The following PTPRD variants were observed in gnomAD, a reference collection of about 807,000 sequenced individuals.
PTPRD encodes protein tyrosine phosphatase receptor type D.
In PTPRD, 34 loss-of-function variants were observed where a neutral mutation model predicts 214.5. That is an observed-to-expected ratio of 0.16 (90% CI 0.12 to 0.21). The LOEUF (loss-of-function observed/expected upper bound fraction) is 0.21, where lower values mean the gene tolerates loss of function less well. Among genes scored for constraint, PTPRD ranks in the 10% least tolerant of loss-of-function variants. PTPRD has a pLI of 1.00. For synonymous variants in PTPRD, 1,128 were observed against 845.7 expected, an observed-to-expected ratio of 1.33 and a Z score of -5.79; for missense variants, 2,545 against 2,398.7, an observed-to-expected ratio of 1.06 and a Z score of -1.27.
intron 2 of PTPRD, among the ~76,000 whole-genome samples, chr9:10,390,767 C>G (rs956631673): frequency 3.3e-5 from 5 of 151,670 alleles, no homozygotes; most frequent in Non-Finnish European, 7.4e-5. Flanking sequence ...CCCAGGCTTG[C>G]TCTTATCTGA....
intron 9 of PTPRD, among the ~76,000 whole-genome samples, chr9:9,390,016 A>C (rs1586857269): frequency 1.3e-5 from 2 of 152,168 alleles, no homozygotes. Flanking sequence ...CAGAGGTGGG[A>C]GAAAAGCATT....
chr9:8,632,290 T>G (rs2096278213), intron 14 of PTPRD, among the ~76,000 whole-genome samples: 1 of 152,002 alleles, frequency 6.6e-6, no homozygotes, highest in South Asian at 2.1e-4. Context: ...GTTTATCAAA[T>G]CAAACTTTTT....
At chr9:9,604,394 G>C (rs1350130203) in intron 7 of PTPRD, among the ~76,000 whole-genome samples, 2 of 151,964 alleles carry the variant, frequency 1.3e-5, no homozygotes, top group Non-Finnish European at 2.9e-5. Context: ...TTTGGCCTTT[G>C]TAATCTAAAT....
At chr9:8,917,591 C>G (rs910925994) in intron 11 of PTPRD, among the ~76,000 whole-genome samples, 1 of 152,116 alleles carries the variant, frequency 6.6e-6, no homozygotes, top group East Asian at 1.9e-4. Flanking sequence ...TCTCTCCTTT[C>G]TTTTTAATCA....
At chr9:9,304,629 G>T (rs1956531309) in intron 9 of PTPRD, among the ~76,000 whole-genome samples, 1 of 151,280 alleles carries the variant, frequency 6.6e-6, no homozygotes, top group Admixed American at 6.6e-5. Context: ...CCAAATATTA[G>T]TATCTTATTT....
chr9:10,244,330 C>G (rs2091699017), intron 3 of PTPRD, among the ~76,000 whole-genome samples: 1 of 152,082 alleles, frequency 6.6e-6, no homozygotes, highest in Non-Finnish European at 1.5e-5. Flanking sequence ...TTGATTTATG[C>G]AGTCTGCCTC....
chr9:9,276,607 G>C (rs1204487611), intron 9 of PTPRD, among the ~76,000 whole-genome samples: 1 of 151,220 alleles, frequency 6.6e-6, no homozygotes, highest in Admixed American at 6.6e-5. Flanking sequence ...GCACATGCTG[G>C]CAATTTACTT....
At chr9:9,305,988 C>T (rs1281772159) in intron 9 of PTPRD, among the ~76,000 whole-genome samples, 1 of 152,202 alleles carries the variant, frequency 6.6e-6, no homozygotes, top group African/African-American at 2.4e-5. Context: ...TTGTTTTAAG[C>T]CATCCAGTTT....
intron 3 of PTPRD, among the ~76,000 whole-genome samples, chr9:10,158,345 A>T (rs1197171718): frequency 1.3e-5 from 2 of 152,138 alleles, no homozygotes; most frequent in East Asian, 3.9e-4. Context: ...TTTATCTGTC[A>T]GCTCTTGTAT....
intron 11 of PTPRD, among the ~76,000 whole-genome samples, chr9:8,771,063 C>A (rs189343957): frequency 2.8e-3 from 430 of 151,988 alleles, no homozygotes; most frequent in African/African-American, 0.01. Flanking sequence ...CACCTGTAGT[C>A]CCAGCTACTT....
intron 10 of PTPRD, among the ~76,000 whole-genome samples, chr9:9,113,567 T>A (rs1423479891): frequency 6.6e-6 from 1 of 152,146 alleles, no homozygotes; most frequent in Non-Finnish European, 1.5e-5. Context: ...AGGGATGTTT[T>A]TTGAAGTGGT....
chr9:8,623,942 T>C (rs1239965391), intron 14 of PTPRD, among the ~76,000 whole-genome samples: 1 of 151,964 alleles, frequency 6.6e-6, no homozygotes, highest in Non-Finnish European at 1.5e-5. Context: ...TCCTATTATC[T>C]CTTTCAAAGT....
chr9:10,286,073 T>G (rs1175045418), intron 3 of PTPRD, among the ~76,000 whole-genome samples: 1 of 152,180 alleles, frequency 6.6e-6, no homozygotes, highest in African/African-American at 2.4e-5. Context: ...GCATGTATGT[T>G]TGTGTTAAAT....
At chr9:10,096,751 C>G (rs2154208350) in intron 3 of PTPRD, among the ~76,000 whole-genome samples, 1 of 152,000 alleles carries the variant, frequency 6.6e-6, no homozygotes, top group Admixed American at 6.6e-5. Context: ...TAATTAGATC[C>G]CATTTATCAA....
chr9:10,501,734 T>A (rs758326921), intron 2 of PTPRD, among the ~76,000 whole-genome samples: 18 of 152,046 alleles, frequency 1.2e-4, no homozygotes, highest in Non-Finnish European at 1.9e-4. Flanking sequence ...TAGGATATAT[T>A]AATAGAGTGG....
intron 9 of PTPRD, among the ~76,000 whole-genome samples, chr9:9,255,588 G>A (rs976315795): frequency 6.6e-6 from 1 of 152,014 alleles, no homozygotes; most frequent in African/African-American, 2.4e-5. Flanking sequence ...AAGTGTAATA[G>A]TTTGTTCACA....
At position 9,228,810 on chromosome 9, in the gene PTPRD, G is replaced by A. The variant is rs546587246; in HGVS notation, c.-202-45447C>T. Among the ~76,000 whole-genome samples, 60 of 152,080 alleles carry A rather than the reference G, an allele frequency of 3.9e-4. 1 individual carries two copies. The highest frequency in any genetic ancestry group is 4.8e-5 in the African/African-American group (2 of 41,510). On this transcript the variant is annotated intron_variant, in intron 9 of 45. Coordinates refer to ENST00000381196, the MANE Select transcript of PTPRD (RefSeq NM_002839.4). Reference sequence around the variant, plus strand: ...TTTCCTTTTCCCTTGTCTTGCCTTCGTTTTTTGTTTCTTATAGTTACTTAC... The same window carrying A: ...TTTCCTTTTCCCTTGTCTTGCCTTCATTTTTTGTTTCTTATAGTTACTTAC...
At chr9:9,836,186 G>A (rs1016311659) in intron 5 of PTPRD, among the ~76,000 whole-genome samples, 3 of 152,156 alleles carry the variant, frequency 2.0e-5, no homozygotes, top group African/African-American at 7.2e-5. Context: ...GGCAGCTCGT[G>A]GAAGAAACAT....
chr9:9,022,503 A>G (rs1343646853), intron 10 of PTPRD, among the ~76,000 whole-genome samples: 1 of 152,176 alleles, frequency 6.6e-6, no homozygotes, highest in Non-Finnish European at 1.5e-5. Flanking sequence ...CAGCACAGTA[A>G]CATTCTGTAC....
Sources: gnomAD v4.1 joint callset for allele counts (sites outside exome capture counted in the v4.1 genomes callset) on GRCh38, gnomAD v4.1.1 for gene constraint, MANE v1.5 for transcripts, NCBI Gene and HGNC (gene_info 2026-07-23, HGNC 2026-07-21) for gene names.